SH2B2: variants seen among roughly 807,000 people sequenced by gnomAD.
SH2B2 encodes the protein SH2B adaptor protein 2.
Under a neutral mutation model 35.7 loss-of-function variants are expected in SH2B2, and 37 were observed. That is an observed-to-expected ratio of 1.04 (90% CI 0.80 to 1.36). The LOEUF is 1.36. Ranked by LOEUF, SH2B2 falls within the 40% of genes most tolerant of loss-of-function variation. The pLI, the probability that SH2B2 is intolerant of heterozygous loss-of-function variation, is 0.00. For missense variants in SH2B2, 852 were observed against 817.7 expected (o/e 1.04, Z -0.51); for synonymous variants, 383 against 376.4 (o/e 1.02, Z -0.20).
intron 3 of SH2B2, among the ~76,000 whole-genome samples, chr7:102,307,865 G>C (rs1554555198): frequency 6.6e-6 from 1 of 151,884 alleles, no homozygotes; most frequent in African/African-American, 2.4e-5. Context: ...CCTCCTCCCG[G>C]GCTCAGGTGA....
At chr7:102,302,499 T>C (rs1793231405) in intron 2 of SH2B2, among the ~76,000 whole-genome samples, 1 of 152,242 alleles carries the variant, frequency 6.6e-6, no homozygotes, top group South Asian at 2.1e-4. Context: ...TCCCTGGCAG[T>C]AGTGTCACGT....
intron 6 of SH2B2, chr7:102,316,956 T>G: frequency 2.4e-6 from 1 of 425,150 alleles, no homozygotes; most frequent in South Asian, 3.7e-5. Flanking sequence ...AAGGCAGAGG[T>G]TACAGTCAGC....
At position 102,308,905 on chromosome 7, in the gene SH2B2, G is replaced by A. The variant is rs1554555414; in HGVS notation, c.922G>A (p.Gly308Ser). The change falls in exon 4 of 9, where the codon GGT (glycine) becomes AGT (serine). Residue 308 changes from glycine to serine, a missense_variant and splice_region_variant. Around this residue, in one of 3 missense-constraint regions of SH2B2, gnomAD observed 556 missense variants for 514.5 expected, o/e 1.08. Transcript: ENST00000444095. ...VADIQGCVDPGDSEEDTELSC... is the reference protein window; with the variant it reads ...VADIQGCVDPSDSEEDTELSC... ...TGACATCCAGGGCTGCGTGGACCCC[G>A]GGTGAGTGTCCAAGTGGCCCGAAGA... is the stretch of plus-strand genomic sequence containing the variant. The A allele has an allele frequency of 5.6e-6, 9 of 1,612,742 alleles. No homozygotes were observed. Among genetic ancestry groups the A allele is most frequent in the Admixed American group, 3.3e-5 (2 of 60,000 alleles).
chr7:102,293,507 A>G (rs1487073979), intron 1 of SH2B2, among the ~76,000 whole-genome samples: 1 of 149,608 alleles, frequency 6.7e-6, no homozygotes, highest in East Asian at 2.0e-4. Flanking sequence ...GAGAAGGCAG[A>G]CAGCCCAGCT....
intron 7 of SH2B2, 58 bp from the exon 8 acceptor site, chr7:102,320,273 G>A (rs902177054): frequency 3.5e-5 from 50 of 1,424,202 alleles, no homozygotes; most frequent in Middle Eastern, 1.9e-4. Flanking sequence ...CCCCAAAGGC[G>A]CTTACCCAGG....
intron 4 of SH2B2, among the ~76,000 whole-genome samples, chr7:102,313,402 C>T (rs1188524037): frequency 1.3e-5 from 2 of 150,652 alleles, no homozygotes; most frequent in African/African-American, 2.4e-5. Context: ...GAGCTGAGAT[C>T]GTGCCACTGC....
chr7:102,320,531 T>G, intron 8 of SH2B2, 29 bp downstream of exon 8: 1 of 1,606,704 alleles, frequency 6.2e-7, no homozygotes, highest in Non-Finnish European at 8.5e-7. Flanking sequence ...GCTGGTGTGA[T>G]TACTCAAGAA....
intron 1 of SH2B2, among the ~76,000 whole-genome samples, chr7:102,299,268 G>A (rs1391074983): frequency 3.7e-5 from 5 of 136,750 alleles, no homozygotes; most frequent in Non-Finnish European, 7.7e-5. Flanking sequence ...GTGGGATCTC[G>A]GCTCACTGCA....
intron 4 of SH2B2, chr7:102,309,278 C>G (rs564506392): frequency 2.4e-6 from 1 of 412,020 alleles, no homozygotes; most frequent in East Asian, 6.4e-5. Flanking sequence ...TTTGGGAGGC[C>G]CAGCTGGGAG....
At position 102,300,511 on chromosome 7, in the gene SH2B2, C is replaced by T. The variant is rs1554553316; in HGVS notation, c.-29-11C>T. 2.0e-6 allele frequency: 3 copies of T among 1,523,826 alleles called. No individual in the cohort carries two copies. Among genetic ancestry groups the T allele is most frequent in the African/African-American group, 1.4e-5 (1 of 72,354 alleles). The allele number at this position is 1,523,826 out of a possible 1,614,324, so 94.4% of individuals were successfully genotyped here. ...GGCCTGAAAGTCACTGCGCGCTCTT[C>T]TCGCCCGAAGCCGCAGGTGGCTGCG... On this transcript the variant is annotated splice_polypyrimidine_tract_variant and intron_variant, in intron 1 of 8. Transcript: ENST00000444095.
intron 7 of SH2B2, 141 bp from the exon 8 acceptor site, chr7:102,320,190 G>A: frequency 1.6e-6 from 1 of 643,024 alleles, no homozygotes; most frequent in Non-Finnish European, 2.7e-6. Flanking sequence ...TCCAGATGGG[G>A]CTCATGTGTG....
At chr7:102,308,621 G>A (rs1421872264) in intron 3 of SH2B2, among the ~76,000 whole-genome samples, 194 bp from the exon 4 acceptor site, 1 of 152,234 alleles carries the variant, frequency 6.6e-6, no homozygotes, top group Non-Finnish European at 1.5e-5. Flanking sequence ...GGAATACAGA[G>A]TGTGAGCTGG....
intron 4 of SH2B2, among the ~76,000 whole-genome samples, chr7:102,313,998 G>A (rs954000810): frequency 6.6e-6 from 1 of 152,236 alleles, no homozygotes; most frequent in Non-Finnish European, 1.5e-5. Context: ...GGGAAAAAGG[G>A]ACTTTTGTTT....
chr7:102,318,500 A>G (rs1471785350), intron 7 of SH2B2, among the ~76,000 whole-genome samples: 1 of 152,118 alleles, frequency 6.6e-6, no homozygotes, highest in Admixed American at 6.5e-5. Flanking sequence ...GGGGGGTGCA[A>G]TGTGGCCAGA....
intron 5 of SH2B2, 31 bp from the exon 6 acceptor site, chr7:102,314,481 G>A (rs1793742267): frequency 2.5e-6 from 1 of 398,586 alleles, no homozygotes; most frequent in African/African-American, 2.1e-5. Flanking sequence ...GACAGATAAA[G>A]ATACGTGCAT....
chr7:102,286,800 G>C (rs1335591224), upstream of SH2B2: 3 of 124,044 alleles, frequency 2.4e-5, no homozygotes, highest in Non-Finnish European at 5.3e-5. Flanking sequence ...GGGGGGCGGG[G>C]CCGGGGCTCG....
At position 102,300,777 on chromosome 7, in the gene SH2B2, A is replaced by C; in HGVS notation, c.227A>C (p.Glu76Ala). Residue 76 changes from glutamate (E) to alanine (A), a missense_variant, in exon 2 of 9, where the codon GAG becomes GCG. By Grantham distance (107) the Glu-to-Ala change is moderately radical. Coordinates refer to ENST00000444095, the MANE Select transcript of SH2B2 (RefSeq NM_001359228.2). ...AACTTCCTGGACGTCTTCGGCGAGG[A>C]GGTGCGCCGCGTGCTGGTGGCTGGG... is the stretch of plus-strand genomic sequence containing the variant. The part of the protein sequence containing the change: ...AANFLDVFGE[E>A]VRRVLVAGPT... 6.6e-7 allele frequency: 1 copy of C among 1,524,678 alleles called. No homozygotes were observed. Among genetic ancestry groups the C allele is most frequent in the South Asian group, 1.2e-5 (1 of 82,060 alleles). 94.4% of individuals were successfully genotyped at this position (1,524,678 alleles called of 1,614,324 possible).
In SH2B2 at chr7:102,295,805, G is replaced by A. The variant is rs181281674; in HGVS notation, c.-29-4717G>A. ...AGTTAGGGAAGAAAGGAGGAAGCAC[G>A]GGGCAGGGAAAAGGTCAGGCATGAG... On this transcript the variant is annotated intron_variant, in intron 1 of 8. Transcript: ENST00000444095. 1.7e-3 allele frequency among the ~76,000 whole-genome samples: 258 copies of A among 152,186 alleles called. 1 individual carries two copies. The highest frequency in any genetic ancestry group is 3.3e-3 in the South Asian group (16 of 4,820).
At position 102,300,888 on chromosome 7, in the gene SH2B2, GC is replaced by G; in HGVS notation, c.340del (p.His114ThrfsTer27). The stretch of plus-strand genomic sequence containing the variant: ...TCTGCACTCAAGGCGGCGCCCTACG[GC>G]CACTCGCGGAGCTCGGAGGACGTGT... The part of the protein sequence containing the change: ...DTSALKAAPY[G>X]HSRSSEDVST... On this transcript the variant is annotated frameshift_variant, in exon 2 of 9. Coordinates refer to ENST00000444095, the MANE Select transcript of SH2B2 (RefSeq NM_001359228.2). LOFTEE classifies it high-confidence loss of function. The G allele has an allele frequency of 6.8e-7, 1 of 1,467,856 alleles. No homozygotes were observed. Among genetic ancestry groups the G allele is most frequent in the Non-Finnish European group, 9.0e-7 (1 of 1,113,876 alleles). 90.9% of individuals were successfully genotyped at this position (1,467,856 alleles called of 1,614,324 possible).
Sources: allele counts gnomAD v4.1 joint callset (sites outside exome capture counted in the v4.1 genomes callset), GRCh38; gene constraint gnomAD v4.1.1; regional missense constraint gnomAD v4.1.1; transcripts MANE v1.5; gene names NCBI Gene and HGNC (gene_info 2026-07-23, HGNC 2026-07-21).